The following ATRNL1 variants were observed in gnomAD, a reference collection of about 807,000 sequenced individuals.
ATRNL1 encodes attractin-like protein 1.
A neutral mutation model predicts 182.7 loss-of-function variants in ATRNL1; 95 were observed. The observed-to-expected ratio is 0.52, with a 90% confidence interval of 0.44 to 0.62. ATRNL1 has a LOEUF of 0.62. Ranked by LOEUF, ATRNL1 falls within the 20% of genes least tolerant of loss-of-function variation. ATRNL1 has a pLI of 0.00. For missense variants in ATRNL1, 1,471 were observed against 1,679.5 expected (o/e 0.88, Z 2.17); for synonymous variants, 576 against 568.3 (o/e 1.01, Z -0.19).
intron 21 of ATRNL1, among the ~76,000 whole-genome samples, chr10:115,440,419 G>A (rs1183982234): frequency 6.6e-6 from 1 of 151,808 alleles, no homozygotes; most frequent in African/African-American, 2.4e-5. Flanking sequence ...GGTATTACCC[G>A]ATACCTTGTC....
At chr10:115,428,747 A>G (rs1554963416) in intron 21 of ATRNL1, among the ~76,000 whole-genome samples, 1 of 152,054 alleles carries the variant, frequency 6.6e-6, no homozygotes, top group African/African-American at 2.4e-5. Flanking sequence ...TCATAAGTTC[A>G]TGGACATTGG....
At chr10:115,203,926 A>G (rs1023815978) in intron 8 of ATRNL1, among the ~76,000 whole-genome samples, 1 of 151,578 alleles carries the variant, frequency 6.6e-6, no homozygotes, top group South Asian at 2.1e-4. Context: ...AATTTATCTT[A>G]TGGTTGAAAT....
chr10:115,536,489 A>G (rs1852015983), intron 25 of ATRNL1, among the ~76,000 whole-genome samples: 1 of 152,180 alleles, frequency 6.6e-6, no homozygotes, highest in African/African-American at 2.4e-5. Flanking sequence ...GGTGGGCTTG[A>G]CCTGATTTTC....
chr10:115,565,552 C>A (rs1451561747), intron 26 of ATRNL1, among the ~76,000 whole-genome samples: 1 of 151,912 alleles, frequency 6.6e-6, no homozygotes, highest in African/African-American at 2.4e-5. Flanking sequence ...GGCTTTCTAC[C>A]TATGCATTTA....
chr10:115,634,602 C>G (rs1001429714), intron 26 of ATRNL1, among the ~76,000 whole-genome samples: 1 of 152,046 alleles, frequency 6.6e-6, no homozygotes, highest in African/African-American at 2.4e-5. Flanking sequence ...GGATAATCAT[C>G]TGTTACTATT....
At chr10:115,834,457 G>A (rs1370190381) in intron 27 of ATRNL1, among the ~76,000 whole-genome samples, 2 of 151,996 alleles carry the variant, frequency 1.3e-5, no homozygotes, top group African/African-American at 2.4e-5. Context: ...TGACCCAATC[G>A]CCTACTTCTC....
intron 24 of ATRNL1, among the ~76,000 whole-genome samples, chr10:115,477,572 G>A (rs1848590372): frequency 6.6e-6 from 1 of 151,500 alleles, no homozygotes; most frequent in African/African-American, 2.4e-5. Context: ...ATTGTCCTGG[G>A]AAGTAGTTTT....
intron 21 of ATRNL1, among the ~76,000 whole-genome samples, chr10:115,430,619 T>C (rs1312995824): frequency 6.6e-6 from 1 of 152,188 alleles, no homozygotes; most frequent in East Asian, 1.9e-4. Context: ...ATAAGTGCAG[T>C]ACTTGATAGG....
At chr10:115,855,928 C>T (rs1732207036) in intron 28 of ATRNL1, among the ~76,000 whole-genome samples, 1 of 152,146 alleles carries the variant, frequency 6.6e-6, no homozygotes, top group Non-Finnish European at 1.5e-5. Flanking sequence ...GATTTGAACA[C>T]TGATTTATTC....
intron 26 of ATRNL1, among the ~76,000 whole-genome samples, chr10:115,724,324 A>G (rs544486730): frequency 6.6e-6 from 1 of 152,140 alleles, no homozygotes; most frequent in African/African-American, 2.4e-5. Context: ...TTTGCAAAAC[A>G]TTTGTTAAAA....
chr10:115,592,312 G>C (rs890821514), intron 26 of ATRNL1, among the ~76,000 whole-genome samples: 20 of 152,260 alleles, frequency 1.3e-4, no homozygotes, highest in South Asian at 6.2e-4. Context: ...ACCTCCTGTA[G>C]AGATCTAAAA....
At chr10:115,627,517 A>C (rs1229084101) in intron 26 of ATRNL1, among the ~76,000 whole-genome samples, 3 of 151,812 alleles carry the variant, frequency 2.0e-5, no homozygotes, top group Non-Finnish European at 4.4e-5. Context: ...GGCACACACA[A>C]CCGCGCCTGG....
At chr10:115,280,273 T>A (rs935198647) in intron 13 of ATRNL1, among the ~76,000 whole-genome samples, 2 of 152,182 alleles carry the variant, frequency 1.3e-5, no homozygotes, top group South Asian at 4.1e-4. Context: ...ATCTCTAAGA[T>A]CATTTAAGGA....
intron 24 of ATRNL1, among the ~76,000 whole-genome samples, chr10:115,509,283 G>T (rs1850268998): frequency 1.3e-5 from 2 of 152,006 alleles, no homozygotes; most frequent in African/African-American, 4.8e-5. Flanking sequence ...TGTGTAAGGA[G>T]ATTAATGCTG....
At chr10:115,112,280 A>T (rs961476926) in intron 1 of ATRNL1, among the ~76,000 whole-genome samples, 1 of 152,210 alleles carries the variant, frequency 6.6e-6, no homozygotes, top group African/African-American at 2.4e-5. Context: ...TTAGAAAAAA[A>T]TCCTATAATT....
intron 1 of ATRNL1, among the ~76,000 whole-genome samples, chr10:115,104,862 G>A (rs1403099763): frequency 2.6e-5 from 4 of 151,910 alleles, no homozygotes; most frequent in African/African-American, 9.7e-5. Flanking sequence ...TGTAAGTATG[G>A]ATTTATTCTG....
chr10:115,882,483 T>C (rs1472453359), intron 28 of ATRNL1, among the ~76,000 whole-genome samples: 1 of 152,230 alleles, frequency 6.6e-6, no homozygotes, highest in Non-Finnish European at 1.5e-5. Context: ...TTCATTCACA[T>C]GTGCTATTTC....
chr10:115,407,954 T>A (rs570363039), intron 20 of ATRNL1, among the ~76,000 whole-genome samples: 1 of 151,760 alleles, frequency 6.6e-6, no homozygotes, highest in South Asian at 2.1e-4. Flanking sequence ...TGGGGTCAGA[T>A]GATATCTCTT....
At chr10:115,877,229 T>A (rs1326973105) in intron 28 of ATRNL1, among the ~76,000 whole-genome samples, 1 of 151,606 alleles carries the variant, frequency 6.6e-6, no homozygotes, top group Non-Finnish European at 1.5e-5. Context: ...GCAGTCATTT[T>A]ATTTGCTGTT....
Sources: gnomAD v4.1 joint callset for allele counts (sites outside exome capture counted in the v4.1 genomes callset) on GRCh38, gnomAD v4.1.1 for gene constraint, MANE v1.5 for transcripts, NCBI Gene and HGNC (gene_info 2026-07-23, HGNC 2026-07-21) for gene names.